MMP16: variants seen among roughly 807,000 people sequenced by gnomAD.
The protein encoded by MMP16 is matrix metalloproteinase-16.
In MMP16, 12 loss-of-function variants were observed where a neutral mutation model predicts 67.8. That is an observed-to-expected ratio of 0.18 (90% CI 0.11 to 0.29). The LOEUF (loss-of-function observed/expected upper bound fraction) is 0.29. MMP16 is among the 10% of genes least tolerant of loss of function. The probability of loss-of-function intolerance (pLI) is 1.00; values close to 1 mark genes in which losing one functional copy is unlikely to be tolerated. For missense variants in MMP16, 475 were observed against 765.7 expected (o/e 0.62, Z 4.48); for synonymous variants, 249 against 255.9 (o/e 0.97, Z 0.26).
chr8:88,193,564 G>A (rs1020117326), intron 2 of MMP16, among the ~76,000 whole-genome samples: 1 of 151,956 alleles, frequency 6.6e-6, no homozygotes, highest in Non-Finnish European at 1.5e-5. Flanking sequence ...ACAATTTATT[G>A]CATATTTAAC....
chr8:88,140,446 C>G (rs1190379582), intron 4 of MMP16, among the ~76,000 whole-genome samples: 1 of 152,078 alleles, frequency 6.6e-6, no homozygotes, highest in Non-Finnish European at 1.5e-5. Flanking sequence ...GACTCATATT[C>G]ATTGGGAGAT....
rs536379067 is a variant in MMP16, at chr8:88,079,075, T to C, written c.1084-4332A>G. On this transcript the variant is annotated intron_variant, in intron 6 of 9. Coordinates refer to ENST00000286614, the MANE Select transcript of MMP16 (RefSeq NM_005941.5). ...TCAAACCTGGACTCCTGCCTCCAGC[T>C]CCTACGCAGCTCCCAGCAGTCTCTC... 7.2e-5 allele frequency among the ~76,000 whole-genome samples: 11 copies of C among 152,282 alleles called. No homozygotes were observed. In the South Asian group the frequency reaches 2.3e-3, roughly 32 times the overall value.
intron 4 of MMP16, among the ~76,000 whole-genome samples, chr8:88,141,637 C>A (rs1023770077): frequency 6.6e-6 from 1 of 152,084 alleles, no homozygotes; most frequent in Admixed American, 6.6e-5. Flanking sequence ...TAAAAATTCA[C>A]CTATGGCACT....
chr8:88,154,798 C>A (rs1249095134), intron 4 of MMP16, among the ~76,000 whole-genome samples: 4 of 144,444 alleles, frequency 2.8e-5, no homozygotes, highest in Non-Finnish European at 6.0e-5. Flanking sequence ...AGCGCACCAG[C>A]ATGGCACATG....
chr8:88,325,837 C>T (rs1273131200), intron 1 of MMP16, among the ~76,000 whole-genome samples: 2 of 151,950 alleles, frequency 1.3e-5, no homozygotes, highest in Non-Finnish European at 2.9e-5. Context: ...TTTGTACTAA[C>T]CATGACTTAT....
intron 7 of MMP16, chr8:88,069,309 G>A (rs1192542774): frequency 5.5e-6 from 2 of 363,906 alleles, no homozygotes; most frequent in African/African-American, 4.4e-5. Flanking sequence ...GGTATTTGGT[G>A]TTTACGAATG....
At chr8:88,080,721 C>T (rs10112472) in intron 6 of MMP16, among the ~76,000 whole-genome samples, 25,913 of 152,108 alleles carry the variant, frequency 0.17, 2,516 homozygotes, top group Middle Eastern at 0.27. Flanking sequence ...TAGGCGTGAG[C>T]CACCGCGCCT....
intron 7 of MMP16, among the ~76,000 whole-genome samples, chr8:88,065,167 T>C (rs1808449422): frequency 6.6e-6 from 1 of 152,110 alleles, no homozygotes; most frequent in Admixed American, 6.6e-5. Context: ...CTTTAATCTT[T>C]CACATATTTA....
intron 1 of MMP16, among the ~76,000 whole-genome samples, chr8:88,282,250 T>A (rs1810754034): frequency 6.6e-6 from 1 of 152,094 alleles, no homozygotes; most frequent in Non-Finnish European, 1.5e-5. Flanking sequence ...AATTTTTGTA[T>A]TTTTTGTAGA....
At chr8:88,213,916 G>T (rs1182260620) in intron 1 of MMP16, among the ~76,000 whole-genome samples, 1 of 152,096 alleles carries the variant, frequency 6.6e-6, no homozygotes, top group East Asian at 1.9e-4. Context: ...GTTTGGAAAT[G>T]ATCTACCTAT....
chr8:88,324,441 G>T (rs1455572312), intron 1 of MMP16, among the ~76,000 whole-genome samples: 3 of 151,988 alleles, frequency 2.0e-5, no homozygotes, highest in Non-Finnish European at 2.9e-5. Context: ...AAAAAAGAAT[G>T]GGGGGACCAC....
intron 1 of MMP16, among the ~76,000 whole-genome samples, chr8:88,228,264 G>T (rs546446376): frequency 6.6e-6 from 1 of 152,136 alleles, no homozygotes; most frequent in East Asian, 1.9e-4. Flanking sequence ...ACTTCTAGGA[G>T]ATTATTATAA....
chr8:88,172,448 T>C (rs906810800), intron 3 of MMP16, among the ~76,000 whole-genome samples: 9 of 152,194 alleles, frequency 5.9e-5, no homozygotes, highest in African/African-American at 2.2e-4. Flanking sequence ...ATTTTGTATT[T>C]ATAACTGAAC....
chr8:88,184,582 A>AAC (rs1342729410), intron 3 of MMP16, among the ~76,000 whole-genome samples: 1 of 142,896 alleles, frequency 7.0e-6, no homozygotes, highest in Non-Finnish European at 1.5e-5. Context: ...AAAAAAAAAA[A>AAC]AAAAAAAAGC....
At chr8:88,324,568 T>C (rs1482369233) in intron 1 of MMP16, among the ~76,000 whole-genome samples, 1 of 152,132 alleles carries the variant, frequency 6.6e-6, no homozygotes, top group Non-Finnish European at 1.5e-5. Flanking sequence ...GAAAAAAAAT[T>C]TTATGATCAT....
chr8:88,215,370 T>A (rs2129829336), intron 1 of MMP16, among the ~76,000 whole-genome samples: 1 of 152,178 alleles, frequency 6.6e-6, no homozygotes, highest in East Asian at 1.9e-4. Flanking sequence ...TTAATGCTAT[T>A]TATTTTCCAT....
At chr8:88,087,744 G>A (rs1036544973) in intron 6 of MMP16, among the ~76,000 whole-genome samples, 12 of 151,526 alleles carry the variant, frequency 7.9e-5, no homozygotes, top group African/African-American at 2.7e-4. Context: ...AGGAGTTCAA[G>A]ACCAGCTGGG....
chr8:88,177,393 G>C (rs981981116), intron 3 of MMP16, among the ~76,000 whole-genome samples: 1 of 152,148 alleles, frequency 6.6e-6, no homozygotes, highest in African/African-American at 2.4e-5. Flanking sequence ...CCCCAAAAGT[G>C]GAGAGAGGGG....
chr8:88,280,555 A>C (rs1233604101), intron 1 of MMP16, among the ~76,000 whole-genome samples: 1 of 152,238 alleles, frequency 6.6e-6, no homozygotes, highest in Non-Finnish European at 1.5e-5. Context: ...ACACAGACAG[A>C]TGACAGGTAA....
Sources: allele counts gnomAD v4.1 joint callset (sites outside exome capture counted in the v4.1 genomes callset), GRCh38; gene constraint gnomAD v4.1.1; transcripts MANE v1.5; gene names NCBI Gene and HGNC (gene_info 2026-07-23, HGNC 2026-07-21).